Variants in PRKCE observed in about 807,000 individuals in gnomAD.
PRKCE encodes protein kinase C epsilon type.
PRKCE carries 16 observed loss-of-function variants against 85.4 expected under a neutral mutation model. The ratio of observed to expected loss-of-function variants is 0.19; its 90% confidence interval spans 0.13 to 0.28. PRKCE has a LOEUF of 0.28. Ranked by LOEUF, PRKCE falls within the 10% of genes least tolerant of loss-of-function variation. The pLI, the probability that PRKCE is intolerant of heterozygous loss-of-function variation, is 1.00. For missense variants in PRKCE, 573 were observed against 975.2 expected (o/e 0.59, Z 5.49); for synonymous variants, 388 against 371.5 (o/e 1.04, Z -0.51).
chr2:45,988,105 C>T (rs1396259346), intron 6 of PRKCE, among the ~76,000 whole-genome samples: 1 of 152,232 alleles, frequency 6.6e-6, no homozygotes, highest in African/African-American at 2.4e-5. Flanking sequence ...TAGGAAGACT[C>T]AGCCAGGCTT....
intron 2 of PRKCE, among the ~76,000 whole-genome samples, chr2:45,855,332 A>C (rs1251255336): frequency 1.3e-5 from 2 of 152,266 alleles, no homozygotes; most frequent in Non-Finnish European, 2.9e-5. Context: ...GGATCTTAGC[A>C]GGTATTTACA....
Position 45,984,659 on chromosome 2 carries a change from C to A in PRKCE, c.802C>A (p.Arg268=), listed in dbSNP as rs759149125. The change falls in exon 6 of 15, where the codon CGG becomes AGG. Residue 268 remains arginine, a synonymous_variant. Transcript: ENST00000306156. ...HCGSLLWGLL[R]QGLQCKVCKM... is the part of the protein sequence containing the mutation. ...TGGGTCCCTGCTCTGGGGACTCTTGCGGCAGGGTTTGCAGTGTAAAGGTAA... is the reference window on the plus strand; with the variant it reads ...TGGGTCCCTGCTCTGGGGACTCTTGAGGCAGGGTTTGCAGTGTAAAGGTAA... 3 of 1,599,500 alleles carry A rather than the reference C, an allele frequency of 1.9e-6. No individual in the cohort carries two copies. The highest frequency in any genetic ancestry group is 2.5e-6 in the Non-Finnish European group (3 of 1,179,784).
chr2:45,984,433 G>A lies in PRKCE; in HGVS notation c.694-118G>A. On this transcript the variant is annotated intron_variant, in intron 5 of 14. Transcript: ENST00000306156. ...GGGCAGCTTTTAGAGCCAAGCTAGG[G>A]CCTGCCACCTACAATGACACAAGCT... 4 of 1,441,502 alleles carry A rather than the reference G, an allele frequency of 2.8e-6. 1 individual carries two copies. In the South Asian group the frequency reaches 5.3e-5, roughly 19 times the overall value. 89.3% of individuals were successfully genotyped at this position (1,441,502 alleles called of 1,614,324 possible). A position where few individuals can be genotyped will look rare whatever the true frequency, so the allele number is the denominator to read the frequency against.
At chr2:45,746,150 T>C (rs572005367) in intron 1 of PRKCE, among the ~76,000 whole-genome samples, 35 of 152,326 alleles carry the variant, frequency 2.3e-4, no homozygotes, top group African/African-American at 7.7e-4. Flanking sequence ...TTGCTTTCTT[T>C]CAGTTTTCAT....
chr2:46,131,510 C>A (rs561173595), intron 11 of PRKCE, among the ~76,000 whole-genome samples: 1 of 152,282 alleles, frequency 6.6e-6, no homozygotes, highest in Admixed American at 6.5e-5. Flanking sequence ...AAGAAATGTC[C>A]AGAGTATGGG....
intron 2 of PRKCE, among the ~76,000 whole-genome samples, chr2:45,875,165 G>A (rs1573705547): frequency 6.6e-6 from 1 of 152,170 alleles, no homozygotes; most frequent in South Asian, 2.1e-4. Flanking sequence ...TTCCAGGTGA[G>A]ACTCGGAGTG....
intron 1 of PRKCE, among the ~76,000 whole-genome samples, chr2:45,740,147 CAAA>C (rs34143359): frequency 7.4e-6 from 1 of 135,736 alleles, no homozygotes. Flanking sequence ...GACCCCATCT[CAAA>C]AAAAAAAAAA....
chr2:45,890,304 C>A (rs113865127), intron 2 of PRKCE, among the ~76,000 whole-genome samples: 1 of 152,158 alleles, frequency 6.6e-6, no homozygotes, highest in Non-Finnish European at 1.5e-5. Flanking sequence ...CTCTTTCCCT[C>A]GGATTATTTT....
intron 6 of PRKCE, among the ~76,000 whole-genome samples, chr2:45,995,384 A>T (rs2595216): frequency 0.018 from 2,800 of 152,066 alleles, 24 homozygotes; most frequent in Non-Finnish European, 0.03. Context: ...TTCATGGATC[A>T]TGTCCATGCA....
chr2:45,866,695 C>T (rs545452844), intron 2 of PRKCE, among the ~76,000 whole-genome samples: 1 of 152,210 alleles, frequency 6.6e-6, no homozygotes, highest in Admixed American at 6.5e-5. Flanking sequence ...CCACCTGTGG[C>T]TATTTACGTT....
At chr2:46,096,860 C>T (rs578166537) in intron 11 of PRKCE, among the ~76,000 whole-genome samples, 1 of 152,294 alleles carries the variant, frequency 6.6e-6, no homozygotes, top group South Asian at 2.1e-4. Context: ...TGTAAAATGG[C>T]TCCACTAATG....
chr2:46,017,812 A>T (rs371891560), intron 10 of PRKCE, among the ~76,000 whole-genome samples: 172 of 152,268 alleles, frequency 1.1e-3, no homozygotes, highest in African/African-American at 3.9e-3. Context: ...GTGGTCACTC[A>T]TTTTTACAGA....
intron 1 of PRKCE, among the ~76,000 whole-genome samples, chr2:45,817,109 G>GTGTGTT (rs1303424935): frequency 1.2e-4 from 18 of 145,550 alleles, no homozygotes; most frequent in African/African-American, 4.6e-4. Context: ...GTGTGTGTGT[G>GTGTGTT]TTGTGGGTAG....
chr2:46,072,178 G>A (rs1348923008), intron 10 of PRKCE, among the ~76,000 whole-genome samples: 2 of 152,228 alleles, frequency 1.3e-5, no homozygotes, highest in Non-Finnish European at 2.9e-5. Context: ...TCAAATGAAA[G>A]TATTAGTGAA....
At chr2:45,903,247 C>A (rs1696703184) in intron 2 of PRKCE, among the ~76,000 whole-genome samples, 1 of 152,156 alleles carries the variant, frequency 6.6e-6, no homozygotes, top group Admixed American at 6.5e-5. Flanking sequence ...CAAGAAATAC[C>A]CTCAGGCCAT....
At chr2:45,680,235 G>A (rs1273748233) in intron 1 of PRKCE, among the ~76,000 whole-genome samples, 2 of 152,220 alleles carry the variant, frequency 1.3e-5, no homozygotes, top group Non-Finnish European at 2.9e-5. Flanking sequence ...TTGGATTTCA[G>A]TGGTGGACAC....
chr2:46,125,271 T>C (rs1179545699), intron 11 of PRKCE, among the ~76,000 whole-genome samples: 4 of 152,088 alleles, frequency 2.6e-5, no homozygotes, highest in African/African-American at 7.2e-5. Context: ...GAAGGGAAAA[T>C]AGGCGTCATC....
intron 14 of PRKCE, among the ~76,000 whole-genome samples, chr2:46,160,702 C>T (rs1446983108): frequency 1.3e-5 from 2 of 152,232 alleles, no homozygotes; most frequent in African/African-American, 2.4e-5. Flanking sequence ...ACCCAGCATA[C>T]TGTCAGATGA....
chr2:45,717,056 T>C (rs1341920714), intron 1 of PRKCE, among the ~76,000 whole-genome samples: 2 of 136,588 alleles, frequency 1.5e-5, no homozygotes, highest in Admixed American at 7.4e-5. Context: ...TGAGATGAGA[T>C]TTGGGTGGGG....
Sources: gnomAD v4.1 joint callset for allele counts (sites outside exome capture counted in the v4.1 genomes callset) on GRCh38, gnomAD v4.1.1 for gene constraint, MANE v1.5 for transcripts, NCBI Gene and HGNC (gene_info 2026-07-23, HGNC 2026-07-21) for gene names.